Variants in IFNAR2 observed in about 807,000 individuals in gnomAD.
The protein encoded by IFNAR2 is interferon alpha/beta receptor 2.
IFNAR2 carries 30 observed loss-of-function variants against 49.4 expected under a neutral mutation model. The ratio of observed to expected loss-of-function variants is 0.61; its 90% confidence interval spans 0.45 to 0.82. The LOEUF is 0.82. Among genes scored for constraint, IFNAR2 ranks in the 40% least tolerant of loss-of-function variants. The probability of loss-of-function intolerance (pLI) is 0.00; values close to 1 mark genes in which losing one functional copy is unlikely to be tolerated. For synonymous variants in IFNAR2, 224 were observed against 234.5 expected, an observed-to-expected ratio of 0.96 and a Z score of 0.41; for missense variants, 600 against 622.7, an observed-to-expected ratio of 0.96 and a Z score of 0.39.
At chr21:33,260,783 T>A in intron 8 of IFNAR2, 56 bp downstream of exon 8, 1 of 1,132,486 alleles carries the variant, frequency 8.8e-7, no homozygotes, top group Non-Finnish European at 1.2e-6. Context: ...TTATTTTAAC[T>A]TAAGAATTTG....
At chr21:33,262,770 C>T (rs781472380) in intron 8 of IFNAR2, 23 bp from the exon 9 acceptor site, 27 of 1,561,742 alleles carry the variant, frequency 1.7e-5, no homozygotes, top group Non-Finnish European at 2.3e-5. Context: ...CGGACTCTCT[C>T]TCTCTTTTTT....
chr21:33,241,596 A>C (rs1228635611), intron 1 of IFNAR2, among the ~76,000 whole-genome samples: 1 of 151,816 alleles, frequency 6.6e-6, no homozygotes, highest in Non-Finnish European at 1.5e-5. Flanking sequence ...ACAAAAGAAA[A>C]AAAAGTTTTC....
At chr21:33,236,847 G>A in intron 1 of IFNAR2, 18 of 985,016 alleles carry the variant, frequency 1.8e-5, no homozygotes, top group Non-Finnish European at 2.0e-5. Context: ...AGGGCCTGGG[G>A]GTACTGAGAC....
In IFNAR2 at chr21:33,245,048, C is replaced by G. The variant is rs1211789862; in HGVS notation, c.195C>G (p.His65Gln). 2.5e-6 allele frequency: 4 copies of G among 1,609,726 alleles called. No homozygotes were observed. Among genetic ancestry groups the G allele is most frequent in the Non-Finnish European group, 3.4e-6 (4 of 1,176,072 alleles). The change falls in exon 4 of 9, where the codon CAC (histidine) becomes CAG (glutamine). Residue 65 changes from histidine to glutamine, a missense_variant. Coordinates refer to ENST00000342136, the MANE Select transcript of IFNAR2 (RefSeq NM_001289125.3). ...ELKNHSIVPT[H>Q]YTLLYTIMSK... ...AAAACCACTCCATTGTACCAACTCA[C>G]TATACATTGCTGTATACAATCATGA...
chr21:33,230,465 C>T lies in IFNAR2; in HGVS notation c.-84+249C>T. The T allele has an allele frequency of 2.1e-6, 1 of 470,814 alleles. No homozygotes were observed. The highest frequency in any genetic ancestry group is 2.4e-5 in the Admixed American group (1 of 42,304). The allele number at this position is 470,814 out of a possible 1,614,324, so 29.2% of individuals were successfully genotyped here. On this transcript the variant is annotated intron_variant, in intron 1 of 8. Transcript: ENST00000342136. The surrounding 1 kb of genome is among the most constrained non-coding windows in gnomAD (Gnocchi z 5.5). ...CTGTCCTGCGCCCTCCACGCGTCGCCCCTGCTGGGAGTCCGCTTTCGTTGC... is the reference window on the plus strand; with the variant it reads ...CTGTCCTGCGCCCTCCACGCGTCGCTCCTGCTGGGAGTCCGCTTTCGTTGC...
chr21:33,262,229 G>A (rs1439888403), intron 8 of IFNAR2, among the ~76,000 whole-genome samples: 1 of 151,960 alleles, frequency 6.6e-6, no homozygotes, highest in Non-Finnish European at 1.5e-5. Context: ...GCCGGGCATA[G>A]TGGCGGGCGC....
At chr21:33,253,285 A>AG (rs1299788399) in intron 7 of IFNAR2, among the ~76,000 whole-genome samples, 1 of 152,112 alleles carries the variant, frequency 6.6e-6, no homozygotes, top group African/African-American at 2.4e-5. Flanking sequence ...AACCCTTGCC[A>AG]GGGTGTACGA....
intron 5 of IFNAR2, among the ~76,000 whole-genome samples, chr21:33,248,155 A>G (rs1434049392): frequency 6.6e-6 from 1 of 152,134 alleles, no homozygotes. Flanking sequence ...GGCAGCATGT[A>G]TTAAAAACCT....
At chr21:33,262,544 A>C (rs1265701211) in intron 8 of IFNAR2, 2 of 695,974 alleles carry the variant, frequency 2.9e-6, no homozygotes, top group Non-Finnish European at 5.2e-6. Context: ...CATTAAGTTT[A>C]TTTTTTATTT....
At chr21:33,252,996 G>A in intron 7 of IFNAR2, 166 bp downstream of exon 7, 1 of 661,082 alleles carries the variant, frequency 1.5e-6, no homozygotes, top group East Asian at 2.7e-5. Context: ...GTATGATCTG[G>A]TAGAGTCACT....
Position 33,262,854 on chromosome 21 carries a change from T to C in IFNAR2, c.902T>C (p.Met301Thr). 6.2e-7 allele frequency: 1 copy of C among 1,613,638 alleles called. No homozygotes were observed. The highest frequency in any genetic ancestry group is 8.5e-7 in the Non-Finnish European group (1 of 1,179,878). Residue 301 changes from methionine to threonine, a missense_variant, in exon 9 of 9, where the codon ATG becomes ACG. Physicochemically the swap from Met to Thr is moderately conservative, Grantham distance 81. Transcript: ENST00000342136. ...PNLPPLEAMD[M>T]VEVIYINRKK... Reference sequence around the variant, plus strand: ...CTGCCACCGTTGGAAGCCATGGATATGGTGGAGGTCATTTACATCAACAGA... The same window carrying C: ...CTGCCACCGTTGGAAGCCATGGATACGGTGGAGGTCATTTACATCAACAGA...
At chr21:33,233,702 G>GT (rs1324111988) in intron 1 of IFNAR2, among the ~76,000 whole-genome samples, 1 of 151,986 alleles carries the variant, frequency 6.6e-6, no homozygotes, top group Non-Finnish European at 1.5e-5. Context: ...CCCATGAACC[G>GT]TTTTTGGAAA....
chr21:33,250,268 G>A (rs1042826272), intron 6 of IFNAR2, among the ~76,000 whole-genome samples: 1 of 152,086 alleles, frequency 6.6e-6, no homozygotes. Context: ...ATCATGTCTC[G>A]TTTGTGTTCA....
chr21:33,234,514 A>G (rs764233757), intron 1 of IFNAR2, among the ~76,000 whole-genome samples: 13 of 152,176 alleles, frequency 8.5e-5, no homozygotes, highest in Non-Finnish European at 1.2e-4. Context: ...GCATCAGTCT[A>G]TGTCAAACAG....
intron 7 of IFNAR2, 152 bp from the exon 8 acceptor site, chr21:33,260,445 C>T (rs1159223171): frequency 3.2e-6 from 2 of 615,962 alleles, no homozygotes. Context: ...TTAGATAATT[C>T]TCCAGTCTCT....
chr21:33,242,958 T>G (rs1203047036), intron 2 of IFNAR2, among the ~76,000 whole-genome samples: 1 of 148,902 alleles, frequency 6.7e-6, no homozygotes, highest in African/African-American at 2.5e-5. Context: ...CCGGCTAATT[T>G]TTGTATTTTT....
chr21:33,244,871 A>G, intron 3 of IFNAR2, 80 bp from the exon 4 acceptor site: 1 of 1,447,580 alleles, frequency 6.9e-7, no homozygotes, highest in South Asian at 1.2e-5. Context: ...TGGGTTCTAG[A>G]TCCCAAGAAA....
At chr21:33,254,632 A>G (rs1988087410) in intron 7 of IFNAR2, among the ~76,000 whole-genome samples, 1 of 152,108 alleles carries the variant, frequency 6.6e-6, no homozygotes, top group South Asian at 2.1e-4. Flanking sequence ...GGCCTCCGCA[A>G]CCCTTTGTCT....
rs17860240 is a variant in IFNAR2, at chr21:33,258,650, A to G, written c.710-1947A>G. On this transcript the variant is annotated intron_variant, in intron 7 of 8. Transcript: ENST00000342136. ...GTGAGGGAGTGAGTCACGCAAACCT[A>G]TCAGGGGAAGGAGTTCCATATGCGG... 2.2e-3 allele frequency among the ~76,000 whole-genome samples: 329 copies of G among 152,326 alleles called. 3 individuals are homozygous for G. Among genetic ancestry groups the G allele is most frequent in the African/African-American group, 7.6e-3 (316 of 41,576 alleles).
Sources: allele counts gnomAD v4.1 joint callset (sites outside exome capture counted in the v4.1 genomes callset), GRCh38; gene constraint gnomAD v4.1.1; non-coding constraint Gnocchi (gnomAD v3.1); transcripts MANE v1.5; gene names NCBI Gene and HGNC (gene_info 2026-07-23, HGNC 2026-07-21).